NTN4: variants seen among roughly 807,000 people sequenced by gnomAD.
NTN4 encodes the protein netrin 4.
NTN4 carries 32 observed loss-of-function variants against 73.6 expected under a neutral mutation model. The ratio of observed to expected loss-of-function variants is 0.44; its 90% confidence interval spans 0.33 to 0.58. The LOEUF is 0.58. Among genes scored for constraint, NTN4 ranks in the 20% least tolerant of loss-of-function variants. NTN4 has a pLI of 0.04. For missense variants in NTN4, 654 were observed against 798.3 expected (o/e 0.82, Z 2.18); for synonymous variants, 258 against 287.5 (o/e 0.90, Z 1.04).
rs766806448 is a variant in NTN4, at chr12:95,737,902, G to A, written c.828C>T (p.Gly276=). 4 of 1,613,960 alleles carry A rather than the reference G, an allele frequency of 2.5e-6. No individual in the cohort carries two copies. The highest frequency in any genetic ancestry group is 3.4e-6 in the Non-Finnish European group (4 of 1,179,944). The change falls in exon 3 of 10, where the codon GGC becomes GGT. Residue 276 remains glycine (G), a synonymous_variant. Coordinates refer to ENST00000343702, the MANE Select transcript of NTN4 (RefSeq NM_021229.4). ...TTCCTGGGGCCTTGACAGGTCTGAA[G>A]CCATGAACAGGTATGCATTGATCAG... is the stretch of plus-strand genomic sequence containing the variant. ...GHADQCIPVH[G]FRPVKAPGTF...
chr12:95,752,160 C>T (rs2078913201), intron 2 of NTN4, among the ~76,000 whole-genome samples: 1 of 151,980 alleles, frequency 6.6e-6, no homozygotes, highest in Non-Finnish European at 1.5e-5. Flanking sequence ...ATATCCCATC[C>T]TGCAGCACGC....
Position 95,713,289 on chromosome 12 carries a change from T to G in NTN4, c.914A>C (p.Gln305Pro). The change falls in exon 4 of 10, where the codon CAG becomes CCG. Residue 305 changes from glutamine to proline, a missense_variant. Gln to Pro is a moderately conservative substitution (Grantham distance 76, BLOSUM62 -1). Transcript: ENST00000343702. The stretch of plus-strand genomic sequence containing the variant: ...GTCATTGTATAACGGGGCACAGTGC[T>G]GGCAGTGGCTGCCTGCTGTGTTGTG... ...CKHNTAGSHC[Q>P]HCAPLYNDRP... The G allele has an allele frequency of 6.2e-7, 1 of 1,612,848 alleles. No individual in the cohort carries two copies. The highest frequency in any genetic ancestry group is 8.5e-7 in the Non-Finnish European group (1 of 1,178,942).
At chr12:95,763,731 T>C (rs2079003496) in intron 2 of NTN4, among the ~76,000 whole-genome samples, 1 of 152,242 alleles carries the variant, frequency 6.6e-6, no homozygotes, top group South Asian at 2.1e-4. Context: ...CCAATTTTAT[T>C]TTTTAATCCA....
intron 5 of NTN4, among the ~76,000 whole-genome samples, chr12:95,700,608 C>T (rs1309608438): frequency 6.6e-6 from 1 of 151,990 alleles, no homozygotes; most frequent in Non-Finnish European, 1.5e-5. Context: ...GTCTGACTTC[C>T]TGATGAAAAA....
chr12:95,680,291 A>T (rs2078305673), intron 7 of NTN4, among the ~76,000 whole-genome samples: 1 of 152,272 alleles, frequency 6.6e-6, no homozygotes, highest in Admixed American at 6.5e-5. Context: ...ATAAAGAACT[A>T]CTACAAATTC....
Position 95,664,527 on chromosome 12 carries a change from G to A in NTN4, c.1750+1283C>T, listed in dbSNP as rs186053620. Among the ~76,000 whole-genome samples the A allele has an allele frequency of 3.4e-4, 51 of 152,196 alleles. No individual in the cohort carries two copies. The East Asian group carries it at 8.5e-3, about 25-fold the overall frequency. On this transcript the variant is annotated intron_variant, in intron 9 of 9. Coordinates refer to ENST00000343702, the MANE Select transcript of NTN4 (RefSeq NM_021229.4). ...ATGTTGAGTTTGTTTAGACTGAGGG[G>A]ATATTTTATTGTTAGTTTATGCTCT...
chr12:95,696,940 C>G (rs2078446707), intron 5 of NTN4, among the ~76,000 whole-genome samples: 1 of 152,008 alleles, frequency 6.6e-6, no homozygotes, highest in Admixed American at 6.6e-5. Context: ...GAGGTTGAGG[C>G]CGGAGGTTCA....
At chr12:95,744,983 A>G (rs948506538) in intron 2 of NTN4, among the ~76,000 whole-genome samples, 1 of 151,962 alleles carries the variant, frequency 6.6e-6, no homozygotes, top group African/African-American at 2.4e-5. Flanking sequence ...CGCTGTCTTC[A>G]GGCTTACGTT....
chr12:95,710,735 G>T, intron 4 of NTN4, 106 bp from the exon 5 acceptor site: 3 of 1,024,402 alleles, frequency 2.9e-6, no homozygotes, highest in Non-Finnish European at 2.8e-6. Context: ...AGGCGTGGTA[G>T]CTCACACCTG....
In NTN4 at chr12:95,725,055, A is replaced by G. The variant is rs902321680; in HGVS notation, c.865-11717T>C. ...ACAAACACCTAAAATAACTTCTTAT[A>G]ATAGAATCTCTTGGAGGGAAAAGGG... On this transcript the variant is annotated intron_variant, in intron 3 of 9. Coordinates refer to ENST00000343702, the MANE Select transcript of NTN4 (RefSeq NM_021229.4). 5.3e-5 allele frequency among the ~76,000 whole-genome samples: 8 copies of G among 150,272 alleles called. No individual in the cohort carries two copies. The East Asian group carries it at 1.2e-3, about 22-fold the overall frequency.
intron 3 of NTN4, among the ~76,000 whole-genome samples, chr12:95,733,554 C>G (rs946377930): frequency 6.6e-6 from 1 of 152,198 alleles, no homozygotes; most frequent in Non-Finnish European, 1.5e-5. Flanking sequence ...ATATTATCCT[C>G]ATTTTATTAG....
At chr12:95,680,548 G>A (rs1159167285) in intron 7 of NTN4, among the ~76,000 whole-genome samples, 2 of 152,144 alleles carry the variant, frequency 1.3e-5, no homozygotes, top group South Asian at 2.1e-4. Flanking sequence ...GAACATTTAC[G>A]GCAGTGTTAT....
chr12:95,704,047 G>A (rs2078506220), intron 5 of NTN4, among the ~76,000 whole-genome samples: 1 of 151,134 alleles, frequency 6.6e-6, no homozygotes. Flanking sequence ...TCCCTCCTCA[G>A]CCTCCTGAGG....
intron 5 of NTN4, among the ~76,000 whole-genome samples, chr12:95,705,484 T>C (rs180727126): frequency 1.3e-3 from 195 of 152,332 alleles, no homozygotes; most frequent in African/African-American, 1.0e-3. Flanking sequence ...CACTCTTTCC[T>C]GTCTCTATGG....
intron 5 of NTN4, among the ~76,000 whole-genome samples, chr12:95,706,093 T>C (rs1434346984): frequency 6.6e-6 from 1 of 152,194 alleles, no homozygotes; most frequent in Non-Finnish European, 1.5e-5. Flanking sequence ...TAGAACTTGT[T>C]TTGCACAAGT....
intron 3 of NTN4, among the ~76,000 whole-genome samples, chr12:95,725,216 G>C (rs1192766882): frequency 6.6e-6 from 1 of 151,954 alleles, no homozygotes; most frequent in African/African-American, 2.4e-5. Flanking sequence ...GCAAGAACCT[G>C]GGAAACTGCG....
intron 5 of NTN4, among the ~76,000 whole-genome samples, chr12:95,707,224 C>T (rs1008367795): frequency 1.3e-5 from 2 of 152,134 alleles, no homozygotes; most frequent in Non-Finnish European, 2.9e-5. Context: ...CTCATCAGTA[C>T]ATATTAGATT....
chr12:95,732,130 A>G (rs923059840), intron 3 of NTN4, among the ~76,000 whole-genome samples: 1 of 152,204 alleles, frequency 6.6e-6, no homozygotes, highest in Non-Finnish European at 1.5e-5. Context: ...TCCTGATTTT[A>G]TAGTCTAATT....
intron 5 of NTN4, 71 bp downstream of exon 5, chr12:95,710,370 C>T (rs902183358): frequency 4.0e-6 from 5 of 1,257,862 alleles, no homozygotes; most frequent in Non-Finnish European, 4.4e-6. Flanking sequence ...TTTGGGTTAG[C>T]AGAATGAGGG....
Sources: gnomAD v4.1 joint callset for allele counts (sites outside exome capture counted in the v4.1 genomes callset) on GRCh38, gnomAD v4.1.1 for gene constraint, MANE v1.5 for transcripts, NCBI Gene and HGNC (gene_info 2026-07-23, HGNC 2026-07-21) for gene names.